Variants in ENGASE observed in about 807,000 individuals in gnomAD.
The protein encoded by ENGASE is cytosolic endo-beta-N-acetylglucosaminidase.
ENGASE carries 69 observed loss-of-function variants against 78.5 expected under a neutral mutation model. The observed-to-expected ratio is 0.88, with a 90% CI of 0.72 to 1.07. The LOEUF is 1.07. Ranked by LOEUF, ENGASE falls within the 50% of genes least tolerant of loss-of-function variation. The pLI, the probability that ENGASE is intolerant of heterozygous loss-of-function variation, is 0.00. For missense variants in ENGASE, 943 were observed against 988.4 expected, an observed-to-expected ratio of 0.95 and a Z score of 0.62; for synonymous variants, 408 against 408.9, an observed-to-expected ratio of 1.00 and a Z score of 0.03.
Position 79,083,250 on chromosome 17 carries a change from CAG to C in ENGASE, c.1142+128_1142+129del, listed in dbSNP as rs924203978. 70 of 814,822 alleles carry C rather than the reference CAG, an allele frequency of 8.6e-5. 1 individual carries two copies. Among genetic ancestry groups the C allele is most frequent in the South Asian group, 3.0e-4 (18 of 59,530 alleles). 50.5% of individuals were successfully genotyped at this position (814,822 alleles called of 1,614,324 possible). A position where few individuals can be genotyped will look rare whatever the true frequency, so the allele number is the denominator to read the frequency against. On this transcript the variant is annotated intron_variant, in intron 8 of 13. Coordinates refer to ENST00000579016, the MANE Select transcript of ENGASE (RefSeq NM_001042573.3). The surrounding 1 kb of genome is among the most constrained non-coding windows in gnomAD (Gnocchi z 4.9). Reference sequence around the variant, plus strand: ...TGGGGGGGTGGTTAAGGGAGGATGACAGGGGAGGAAGCCAGCACCCTGGCTGC... The same window carrying C: ...TGGGGGGGTGGTTAAGGGAGGATGACGGGAGGAAGCCAGCACCCTGGCTGC...
intron 6 of ENGASE, 111 bp downstream of exon 6, chr17:79,081,184 A>G (rs565837030): frequency 3.1e-6 from 4 of 1,293,974 alleles, no homozygotes; most frequent in East Asian, 5.6e-5. Context: ...GAGGTGATGC[A>G]TATATGACTG....
intron 1 of ENGASE, 27 bp from the exon 2 acceptor site, chr17:79,077,403 T>C (rs2072993596): frequency 6.3e-7 from 1 of 1,594,370 alleles, no homozygotes; most frequent in Non-Finnish European, 8.5e-7. Context: ...TTTTTATTTA[T>C]AAATGTACAA....
At chr17:79,080,077 T>C (rs1304630438) in intron 4 of ENGASE, 130 bp from the exon 5 acceptor site, 44 of 921,914 alleles carry the variant, frequency 4.8e-5, no homozygotes, top group South Asian at 1.8e-4. Flanking sequence ...ACGGGATATA[T>C]GGGGATTTGA....
At position 79,086,137 on chromosome 17, in the gene ENGASE, C is replaced by A. The variant is rs376807981; in HGVS notation, c.2020C>A (p.Pro674Thr). The A allele has an allele frequency of 1.9e-6, 3 of 1,613,752 alleles. No individual in the cohort carries two copies. The highest frequency in any genetic ancestry group is 2.2e-5 in the East Asian group (1 of 44,882). ...CTGGGGAGGGATGAGTGATGACTCT[C>A]CGGGCAGGGAGCTGCCGAGGCCAGA... ...HCWGGMSDDSPGRELPRPEMP... is the reference protein window; with the variant it reads ...HCWGGMSDDSTGRELPRPEMP... The change falls in exon 14 of 14, where the codon CCG (proline) becomes ACG (threonine). Residue 674 changes from proline (P) to threonine (T), a missense_variant. Coordinates refer to ENST00000579016, the MANE Select transcript of ENGASE (RefSeq NM_001042573.3).
intron 7 of ENGASE, chr17:79,082,298 G>A (rs2073164765): frequency 6.9e-7 from 1 of 1,453,598 alleles, no homozygotes; most frequent in African/African-American, 1.4e-5. Context: ...TTGTGTGGGT[G>A]TTACCAGACA....
intron 5 of ENGASE, among the ~76,000 whole-genome samples, chr17:79,080,589 A>G (rs2073102691): frequency 6.6e-6 from 1 of 152,126 alleles, no homozygotes; most frequent in African/African-American, 2.4e-5. Context: ...GCCGGCTCCC[A>G]CGTTTCCCGC....
At chr17:79,085,520 G>T in intron 12 of ENGASE, 100 bp from the exon 13 acceptor site, 1 of 1,521,282 alleles carries the variant, frequency 6.6e-7, no homozygotes, top group South Asian at 1.2e-5. Context: ...CCATGACCCT[G>T]GGATGCATCT....
Position 79,086,655 on chromosome 17 carries a change from G to C in ENGASE, c.*306G>C. On this transcript the variant is annotated 3_prime_UTR_variant, in exon 14 of 14. Coordinates refer to ENST00000579016, the MANE Select transcript of ENGASE (RefSeq NM_001042573.3). The stretch of plus-strand genomic sequence containing the variant: ...AAAATGAAAGGAGGGGAGAAGTTGA[G>C]AACAGAACATTCCATAAAGGATATT... 1 of 508,386 alleles carries C rather than the reference G, an allele frequency of 2.0e-6. No homozygotes were observed. The allele number at this position is 508,386 out of a possible 1,614,324, so 31.5% of individuals were successfully genotyped here.
rs373453465 is a variant in ENGASE, at chr17:79,080,219, C to G, written c.578C>G (p.Thr193Arg). Residue 193 changes from threonine to arginine, a missense_variant, in exon 5 of 14, where the codon ACG becomes AGG. Physicochemically the swap from Thr to Arg is moderately conservative, Grantham distance 71 (BLOSUM62 -1). Transcript: ENST00000579016. ...CCTATCCTCACAGGGACTTTCATCACGGAGTGGAATGAAGGGGGAAGGCTC... is the reference window on the plus strand; with the variant it reads ...CCTATCCTCACAGGGACTTTCATCAGGGAGTGGAATGAAGGGGGAAGGCTC... ...HGVCVLGTFI[T>R]EWNEGGRLCE... 23 of 1,601,094 alleles carry G rather than the reference C, an allele frequency of 1.4e-5. No individual in the cohort carries two copies. Among genetic ancestry groups the G allele is most frequent in the Middle Eastern group, 1.7e-4 (1 of 6,018 alleles).
intron 11 of ENGASE, among the ~76,000 whole-genome samples, 159 bp from the exon 12 acceptor site, chr17:79,085,075 G>A (rs1033609673): frequency 6.6e-6 from 1 of 152,164 alleles, no homozygotes; most frequent in African/African-American, 2.4e-5. Context: ...TTCCTTCACC[G>A]AGCTCCTCCG....
chr17:79,082,195 C>T lies in ENGASE; in HGVS notation c.1038+132C>T, dbSNP rs568411413. 454 of 1,568,928 alleles carry T rather than the reference C, an allele frequency of 2.9e-4. 1 individual carries two copies. Among genetic ancestry groups the T allele is most frequent in the South Asian group, 4.7e-4 (40 of 85,988 alleles). On this transcript the variant is annotated intron_variant, in intron 7 of 13. Transcript: ENST00000579016. The stretch of plus-strand genomic sequence containing the variant: ...GCTGTTCTTCCCAGAGTGGGGATCC[C>T]GTGGCACTGAGAAACAGGTGTCCTG...
In ENGASE at chr17:79,087,989, A is replaced by C. The variant is rs752529254; in HGVS notation, c.*1640A>C. 1 of 151,492 alleles carries C rather than the reference A, an allele frequency of 6.6e-6. No homozygotes were observed. The highest frequency in any genetic ancestry group is 1.5e-5 in the Non-Finnish European group (1 of 67,530). The allele number at this position is 151,492 out of a possible 1,614,324, so 9.4% of individuals were successfully genotyped here. On this transcript the variant is annotated 3_prime_UTR_variant, in exon 14 of 14. Coordinates refer to ENST00000579016, the MANE Select transcript of ENGASE (RefSeq NM_001042573.3). ...ATGTCTCTTGTGTGGTCCCAGAAGG[A>C]GAAGTGAGTTTGCCAAGGATATGGG...
intron 10 of ENGASE, chr17:79,084,223 T>G: frequency 3.7e-6 from 2 of 538,706 alleles, no homozygotes; most frequent in South Asian, 5.1e-5. Flanking sequence ...CTCTCCCCAT[T>G]GCACATTAGC....
Position 79,083,685 on chromosome 17 carries a change from T to TA in ENGASE, c.1252-75dup. On this transcript the variant is annotated intron_variant, in intron 9 of 13. Coordinates refer to ENST00000579016, the MANE Select transcript of ENGASE (RefSeq NM_001042573.3). The surrounding 1 kb of genome is among the most constrained non-coding windows in gnomAD (Gnocchi z 4.9). ...TTGCCAGCAGGCACGGTGGTGGTCT[T>TA]ACCCTTCCCTGCCGCTCCGGGCACC... 1 of 1,563,688 alleles carries TA rather than the reference T, an allele frequency of 6.4e-7. No homozygotes were observed. The highest frequency in any genetic ancestry group is 2.2e-5 in the East Asian group (1 of 44,490).
chr17:79,082,040 G>A lies in ENGASE; in HGVS notation c.1015G>A (p.Gly339Arg), dbSNP rs1006782695. The A allele has an allele frequency of 4.3e-6, 7 of 1,614,096 alleles. No homozygotes were observed. Among genetic ancestry groups the A allele is most frequent in the Non-Finnish European group, 5.9e-6 (7 of 1,180,028 alleles). ...VDVFARGNVV[G>R]GRFDTDKSLE... ...TGTGTTTGCTCGAGGGAACGTGGTCGGAGGCCGATTCGACACAGACAAGGT... is the reference window on the plus strand; with the variant it reads ...TGTGTTTGCTCGAGGGAACGTGGTCAGAGGCCGATTCGACACAGACAAGGT... The change falls in exon 7 of 14, where the codon GGA becomes AGA. Residue 339 changes from glycine to arginine, a missense_variant. Physicochemically the swap from Gly to Arg is moderately radical, Grantham distance 125. Transcript: ENST00000579016.
chr17:79,083,299 A>C lies in ENGASE; in HGVS notation c.1142+176A>C. The C allele has an allele frequency of 1.4e-6, 1 of 697,564 alleles. No individual in the cohort carries two copies. Among genetic ancestry groups the C allele is most frequent in the African/African-American group, 1.8e-5 (1 of 55,712 alleles). 43.2% of individuals were successfully genotyped at this position (697,564 alleles called of 1,614,324 possible). A position where few individuals can be genotyped will look rare whatever the true frequency, so the allele number is the denominator to read the frequency against. On this transcript the variant is annotated intron_variant, in intron 8 of 13. Coordinates refer to ENST00000579016, the MANE Select transcript of ENGASE (RefSeq NM_001042573.3). The surrounding 1 kb of genome is among the most constrained non-coding windows in gnomAD (Gnocchi z 4.9). ...CTGCTTCCGGGCAGGGACCAAACCC[A>C]GCGGCCGCTTCCTGCAGACTCGTGT...
In ENGASE at chr17:79,078,127, C is replaced by T. The variant is rs113803627; in HGVS notation, c.416+263C>T. 4.5e-3 allele frequency among the ~76,000 whole-genome samples: 681 copies of T among 152,172 alleles called. 9 individuals are homozygous for T. Among genetic ancestry groups the T allele is most frequent in the African/African-American group, 0.016 (647 of 41,510 alleles). On this transcript the variant is annotated intron_variant, in intron 3 of 13. Transcript: ENST00000579016. Reference sequence around the variant, plus strand: ...GGTCAAGGCAGGTGGGTCACCTGACCTCAGGAGTTTGAGACCAGCCTGGCC... The same window carrying T: ...GGTCAAGGCAGGTGGGTCACCTGACTTCAGGAGTTTGAGACCAGCCTGGCC...
At chr17:79,082,772 G>A (rs1372591916) in intron 7 of ENGASE, 1 of 1,468,268 alleles carries the variant, frequency 6.8e-7, no homozygotes, top group Admixed American at 2.0e-5. Context: ...AGCCAGTTGG[G>A]GCCCAGCCCC....
rs567133724 is a variant in ENGASE, at chr17:79,083,306, G to A, written c.1143-176G>A. 1.3e-5 allele frequency: 9 copies of A among 692,862 alleles called. No individual in the cohort carries two copies. The highest frequency in any genetic ancestry group is 8.2e-5 in the East Asian group (3 of 36,774). 42.9% of individuals were successfully genotyped at this position (692,862 alleles called of 1,614,324 possible). A position where few individuals can be genotyped will look rare whatever the true frequency, so the allele number is the denominator to read the frequency against. On this transcript the variant is annotated intron_variant, in intron 8 of 13. Transcript: ENST00000579016. This position sits in a 1 kb window ranked among gnomAD's most constrained non-coding sequence, Gnocchi z 4.9. ...CGGGCAGGGACCAAACCCAGCGGCC[G>A]CTTCCTGCAGACTCGTGTTTGCAGC...
Sources: gnomAD v4.1 joint callset for allele counts (sites outside exome capture counted in the v4.1 genomes callset) on GRCh38, gnomAD v4.1.1 for gene constraint, Gnocchi (gnomAD v3.1) non-coding constraint, MANE v1.5 for transcripts, NCBI Gene and HGNC (gene_info 2026-07-23, HGNC 2026-07-21) for gene names.